RAE1: variants seen among roughly 807,000 people sequenced by gnomAD.
RAE1 encodes ribonucleic acid export 1, also known as mRNA export factor RAE1.
Under a neutral mutation model 52.7 loss-of-function variants are expected in RAE1, and 13 were observed. The ratio of observed to expected loss-of-function variants is 0.25; its 90% CI spans 0.16 to 0.39. The LOEUF (loss-of-function observed/expected upper bound fraction) is 0.39. Among genes scored for constraint, RAE1 ranks in the 10% least tolerant of loss-of-function variants. The pLI is 1.00. For missense variants in RAE1, 262 were observed against 459.8 expected, an observed-to-expected ratio of 0.57 and a Z score of 3.93; for synonymous variants, 164 against 153.1, an observed-to-expected ratio of 1.07 and a Z score of -0.52.
At position 57,378,167 on chromosome 20, in the gene RAE1, G is replaced by A; in HGVS notation, c.*68G>A. 7.7e-7 allele frequency: 1 copy of A among 1,301,088 alleles called. No individual in the cohort carries two copies. Among genetic ancestry groups the A allele is most frequent in the Non-Finnish European group, 1.1e-6 (1 of 937,294 alleles). The allele number at this position is 1,301,088 out of a possible 1,614,324, so 80.6% of individuals were successfully genotyped here. On this transcript the variant is annotated 3_prime_UTR_variant, in exon 12 of 12. Coordinates refer to ENST00000395841, the MANE Select transcript of RAE1 (RefSeq NM_003610.4). Reference sequence around the variant, plus strand: ...CTGCCTCATCTCTGTACGAATTTGGGTCCCAGCCTTGTTGGGTTGTCAGCC... The same window carrying A: ...CTGCCTCATCTCTGTACGAATTTGGATCCCAGCCTTGTTGGGTTGTCAGCC...
At chr20:57,358,450 C>A (rs1390080590) in intron 4 of RAE1, 1 of 152,332 alleles carries the variant, frequency 6.6e-6, no homozygotes, top group Non-Finnish European at 1.5e-5. Context: ...TCTTAACAAA[C>A]CCTGTTCTTG....
chr20:57,360,977 C>A (rs1401444494), intron 4 of RAE1, among the ~76,000 whole-genome samples: 1 of 152,024 alleles, frequency 6.6e-6, no homozygotes, highest in Non-Finnish European at 1.5e-5. Context: ...AAGGTCAGGA[C>A]CAAACCTATC....
At chr20:57,353,930 A>G in intron 1 of RAE1, 102 bp from the exon 2 acceptor site, 3 of 1,029,958 alleles carry the variant, frequency 2.9e-6, no homozygotes, top group Non-Finnish European at 2.9e-6. Flanking sequence ...CCTGGCCTCA[A>G]GCCACTTTGA....
chr20:57,369,794 A>G (rs142989091), intron 8 of RAE1, among the ~76,000 whole-genome samples: 58 of 152,274 alleles, frequency 3.8e-4, no homozygotes, highest in Middle Eastern at 3.4e-3. Flanking sequence ...GTCTCAGCCA[A>G]TCAGATCAGC....
intron 4 of RAE1, among the ~76,000 whole-genome samples, chr20:57,362,646 G>C (rs1236751876): frequency 6.6e-6 from 1 of 152,190 alleles, no homozygotes; most frequent in African/African-American, 2.4e-5. Flanking sequence ...GGGAGGATCA[G>C]ACACAGGAAT....
At chr20:57,367,115 A>T in intron 7 of RAE1, 36 bp downstream of exon 7, 1 of 1,479,574 alleles carries the variant, frequency 6.8e-7, no homozygotes, top group Non-Finnish European at 9.2e-7. Flanking sequence ...TTTACTTTAA[A>T]AAAAAAACAA....
chr20:57,373,827 T>G (rs758062923), intron 10 of RAE1, 89 bp downstream of exon 10: 8 of 1,318,832 alleles, frequency 6.1e-6, no homozygotes, highest in African/African-American at 2.9e-5. Context: ...AAAAGACTCA[T>G]CACTGAAGAG....
At chr20:57,371,259 A>G (rs781035466) in intron 8 of RAE1, 1 of 152,222 alleles carries the variant, frequency 6.6e-6, no homozygotes, top group Non-Finnish European at 1.5e-5. Context: ...AGAGGGAACC[A>G]TGGAAAAGAG....
intron 4 of RAE1, chr20:57,358,967 A>G: frequency 1.4e-6 from 2 of 1,472,146 alleles, no homozygotes; most frequent in Non-Finnish European, 1.8e-6. Flanking sequence ...TTATTTGTTT[A>G]TATCCGCCTC....
At chr20:57,352,540 A>G (rs192809869) in intron 1 of RAE1, among the ~76,000 whole-genome samples, 1 of 152,356 alleles carries the variant, frequency 6.6e-6, no homozygotes, top group Non-Finnish European at 1.5e-5. Flanking sequence ...CCCAGTGCTC[A>G]GCATAAGGTG....
At position 57,368,700 on chromosome 20, in the gene RAE1, C is replaced by T; in HGVS notation, c.535-5C>T. 6.2e-7 allele frequency: 1 copy of T among 1,602,654 alleles called. No individual in the cohort carries two copies. The highest frequency in any genetic ancestry group is 8.5e-7 in the Non-Finnish European group (1 of 1,170,092). On this transcript the variant is annotated splice_region_variant and splice_polypyrimidine_tract_variant and intron_variant, in intron 7 of 11. Transcript: ENST00000395841. ...AGCGCATCTCTGTTTTCTTCCATTC[C>T]CTAGATATACCCCATGGCTGTGGTG...
chr20:57,370,031 T>C (rs1166259578), intron 8 of RAE1, among the ~76,000 whole-genome samples: 1 of 152,126 alleles, frequency 6.6e-6, no homozygotes, highest in Non-Finnish European at 1.5e-5. Flanking sequence ...CGCGTAGTAC[T>C]TCTCCCTTAG....
chr20:57,377,303 G>A (rs766696840), intron 11 of RAE1, among the ~76,000 whole-genome samples: 4 of 152,080 alleles, frequency 2.6e-5, no homozygotes, highest in Admixed American at 6.6e-5. Context: ...TCTTTCTTCC[G>A]GATCATCTGC....
intron 10 of RAE1, among the ~76,000 whole-genome samples, chr20:57,374,127 G>A (rs556231489): frequency 3.9e-5 from 6 of 152,276 alleles, no homozygotes; most frequent in South Asian, 2.1e-4. Flanking sequence ...TGATTTGCCC[G>A]CCTCGGCCTC....
At chr20:57,375,198 G>A in intron 11 of RAE1, 2 of 607,582 alleles carry the variant, frequency 3.3e-6, no homozygotes, top group Non-Finnish European at 2.9e-6. Flanking sequence ...CAGGAGTGGG[G>A]CTGCATTTTT....
intron 11 of RAE1, chr20:57,375,068 C>A: frequency 1.4e-6 from 1 of 698,014 alleles, no homozygotes; most frequent in East Asian, 2.7e-5. Context: ...CACAGAAGCA[C>A]AGGCAAGCCG....
rs1262042730 is a variant in RAE1 at position 57,373,996 on chromosome 20, C to T, written c.825+258C>T. ...GCAACCTCCGCCTCCTGGGTTCAAG[C>T]GATTCTCCTGCCTCAGCCTCCCAAG... On this transcript the variant is annotated intron_variant, in intron 10 of 11. Transcript: ENST00000395841. Among the ~76,000 whole-genome samples the T allele has an allele frequency of 2.0e-5, 3 of 152,128 alleles. No homozygotes were observed. In the East Asian group the frequency reaches 5.8e-4, roughly 29 times the overall value.
chr20:57,354,783 G>A lies in RAE1; in HGVS notation c.162G>A (p.Gly54=), dbSNP rs762237138. The A allele has an allele frequency of 1.2e-6, 2 of 1,604,246 alleles. No homozygotes were observed. The highest frequency in any genetic ancestry group is 3.4e-5 in the Admixed American group (2 of 58,404). ...CTTTTAGCCCACCAACCTTGCCGGG[G>A]AACTTTCTTATTGCAGGATCATGGG... The part of the protein sequence containing the change: ...CLSFSPPTLP[G]NFLIAGSWAN... Residue 54 remains glycine (G), a synonymous_variant, in exon 3 of 12, where the codon GGG becomes GGA. Transcript: ENST00000395841.
At chr20:57,362,044 T>C (rs1264876827) in intron 4 of RAE1, among the ~76,000 whole-genome samples, 1 of 152,194 alleles carries the variant, frequency 6.6e-6, no homozygotes, top group Non-Finnish European at 1.5e-5. Flanking sequence ...GTGTCTTCCT[T>C]ATGAGAATCT....
Sources: gnomAD v4.1 joint callset for allele counts (sites outside exome capture counted in the v4.1 genomes callset) on GRCh38, gnomAD v4.1.1 for gene constraint, MANE v1.5 for transcripts, NCBI Gene and HGNC (gene_info 2026-07-23, HGNC 2026-07-21) for gene names.